Variants in SCUBE3 observed in about 807,000 individuals in gnomAD.
SCUBE3 encodes the protein signal peptide, CUB domain and EGF like domain containing 3, also known as signal peptide, CUB and EGF-like domain-containing protein 3.
In SCUBE3, 33 loss-of-function variants were observed where a neutral mutation model predicts 116.8. The ratio of observed to expected loss-of-function variants is 0.28; its 90% CI spans 0.21 to 0.38. SCUBE3 has a LOEUF of 0.38. SCUBE3 is among the 10% of genes least tolerant of loss of function. The pLI, the probability that SCUBE3 is intolerant of heterozygous loss-of-function variation, is 1.00. For synonymous variants in SCUBE3, 418 were observed against 496.9 expected (o/e 0.84, Z 2.11); for missense variants, 1,007 against 1,324.8 (o/e 0.76, Z 3.72).
In SCUBE3 at chr6:35,228,366, A is replaced by G. The variant is rs912455149; in HGVS notation, c.209-248A>G. Among the ~76,000 whole-genome samples, 1 of 152,272 alleles carries G rather than the reference A, an allele frequency of 6.6e-6. No homozygotes were observed. The highest frequency in any genetic ancestry group is 1.5e-5 in the Non-Finnish European group (1 of 68,052). ...TATGATGGTAAAATAAATTAAAGAA[A>G]TCTAAATCTCTAACAATAGAGAAAA... is the stretch of plus-strand genomic sequence containing the variant. On this transcript the variant is annotated intron_variant, in intron 2 of 21. Transcript: ENST00000274938. The surrounding 1 kb of genome is among the most constrained non-coding windows in gnomAD (Gnocchi z 4.9).
Position 35,237,931 on chromosome 6 carries a change from G to A in SCUBE3, c.742G>A (p.Asp248Asn), listed in dbSNP as rs758612398. 5.0e-6 allele frequency: 8 copies of A among 1,612,778 alleles called. No homozygotes were observed. The Admixed American group carries it at 1.3e-4, about 27-fold the overall frequency. ...ETCAVNNGGCDSKCHDAATGV... is the reference protein window; with the variant it reads ...ETCAVNNGGCNSKCHDAATGV... ...CTGTGCTGTCAACAACGGGGGCTGTGACAGTAAGTGCCATGATGCAGCGAC... is the reference window on the plus strand; with the variant it reads ...CTGTGCTGTCAACAACGGGGGCTGTAACAGTAAGTGCCATGATGCAGCGAC... The change falls in exon 7 of 22, where the codon GAC becomes AAC. Residue 248 changes from aspartate (D) to asparagine (N), a missense_variant. Physicochemically the swap from Asp to Asn is conservative, Grantham distance 23 (BLOSUM62 1). Around this residue, in one of 5 missense-constraint regions of SCUBE3, gnomAD observed 214 missense variants for 316.7 expected, o/e 0.68. Transcript: ENST00000274938.
chr6:35,219,929 T>G lies in SCUBE3; in HGVS notation c.85+5426T>G, dbSNP rs999278358. Among the ~76,000 whole-genome samples the G allele has an allele frequency of 6.6e-6, 1 of 152,156 alleles. No individual in the cohort carries two copies. Among genetic ancestry groups the G allele is most frequent in the African/African-American group, 2.4e-5 (1 of 41,414 alleles). On this transcript the variant is annotated intron_variant, in intron 1 of 21. Coordinates refer to ENST00000274938, the MANE Select transcript of SCUBE3 (RefSeq NM_152753.4). The surrounding 1 kb of genome is among the most constrained non-coding windows in gnomAD (Gnocchi z 4.7). The stretch of plus-strand genomic sequence containing the variant: ...CAGGCAACACCTGCCCACTGTTGCA[T>G]TGCCCACCCTTTCCTTATTGCAACT...
At position 35,239,822 on chromosome 6, in the gene SCUBE3, A is replaced by G; in HGVS notation, c.900A>G (p.Glu300=). ...HICRNTVGSF[E]CSCKKGYKLL... is the part of the protein sequence containing the mutation. ...GCCGCAACACAGTGGGCAGCTTCGA[A>G]TGCAGTTGCAAGAAAGGCTATAAGC... The change falls in exon 8 of 22, where the codon GAA becomes GAG. Residue 300 remains glutamate (E), a synonymous_variant. Coordinates refer to ENST00000274938, the MANE Select transcript of SCUBE3 (RefSeq NM_152753.4). This position sits in a 1 kb window ranked among gnomAD's most constrained non-coding sequence, Gnocchi z 4.1. 6.2e-7 allele frequency: 1 copy of G among 1,611,190 alleles called. No homozygotes were observed. The highest frequency in any genetic ancestry group is 1.1e-5 in the South Asian group (1 of 90,456).
In SCUBE3 at chr6:35,246,092, T is replaced by C. The variant is rs773819635; in HGVS notation, c.2748T>C (p.Tyr916=). ...ARGFQIPYVT[Y]DEDYEQLVED... ...GCTTCCAGATTCCCTATGTTACCTA[T>C]GATGGTAAGCCAAGGAGGTGGGTGA... Residue 916 remains tyrosine (Y), a synonymous_variant, in exon 20 of 22, where the codon TAT becomes TAC. Coordinates refer to ENST00000274938, the MANE Select transcript of SCUBE3 (RefSeq NM_152753.4). 1 of 1,614,018 alleles carries C rather than the reference T, an allele frequency of 6.2e-7. No individual in the cohort carries two copies. Among genetic ancestry groups the C allele is most frequent in the Admixed American group, 1.7e-5 (1 of 60,014 alleles).
At position 35,233,761 on chromosome 6, in the gene SCUBE3, T is replaced by C. The variant is rs887739735; in HGVS notation, c.712+460T>C. ...ACTGAGGGTGGGACAGAGTGCTCCT[T>C]CCTGGAACAACCATCCCTGAACTGA... On this transcript the variant is annotated intron_variant, in intron 6 of 21. Transcript: ENST00000274938. The surrounding 1 kb of genome is among the most constrained non-coding windows in gnomAD (Gnocchi z 5.7). Among the ~76,000 whole-genome samples, 1 of 152,182 alleles carries C rather than the reference T, an allele frequency of 6.6e-6. No homozygotes were observed. Among genetic ancestry groups the C allele is most frequent in the Non-Finnish European group, 1.5e-5 (1 of 68,032 alleles).
intron 1 of SCUBE3, among the ~76,000 whole-genome samples, chr6:35,225,088 G>A (rs1181474779): frequency 2.6e-5 from 4 of 151,500 alleles, no homozygotes; most frequent in East Asian, 1.9e-4. Context: ...ATACTGTCTC[G>A]AGCATCTATT....
At position 35,245,079 on chromosome 6, in the gene SCUBE3, G is replaced by A; in HGVS notation, c.2402-149G>A. The A allele has an allele frequency of 3.9e-6, 3 of 766,210 alleles. No individual in the cohort carries two copies. Among genetic ancestry groups the A allele is most frequent in the Non-Finnish European group, 4.4e-6 (2 of 453,154 alleles). The allele number at this position is 766,210 out of a possible 1,614,324, so 47.5% of individuals were successfully genotyped here. On this transcript the variant is annotated intron_variant, in intron 18 of 21. Transcript: ENST00000274938. The surrounding 1 kb of genome is among the most constrained non-coding windows in gnomAD (Gnocchi z 4.2). ...TACTAAAAGGGCAGGAAGGAAGATG[G>A]ACTCAGAGCTTGGAAAATAATGATG...
In SCUBE3 at chr6:35,228,306, A is replaced by T. The variant is rs1783406640; in HGVS notation, c.209-308A>T. Among the ~76,000 whole-genome samples the T allele has an allele frequency of 6.6e-6, 1 of 152,232 alleles. No individual in the cohort carries two copies. The highest frequency in any genetic ancestry group is 1.5e-5 in the Non-Finnish European group (1 of 68,036). On this transcript the variant is annotated intron_variant, in intron 2 of 21. Transcript: ENST00000274938. The surrounding 1 kb of genome is among the most constrained non-coding windows in gnomAD (Gnocchi z 4.9). ...GGGGACTTATTCAAAGTAACAAAATAATACATGGGAGAAGATGTTCTTTGA... is the reference window on the plus strand; with the variant it reads ...GGGGACTTATTCAAAGTAACAAAATTATACATGGGAGAAGATGTTCTTTGA...
rs1782804894 is a variant in SCUBE3, at chr6:35,214,434, G to C, written c.16G>C (p.Val6Leu). 1 of 1,475,426 alleles carries C rather than the reference G, an allele frequency of 6.8e-7. No homozygotes were observed. Among genetic ancestry groups the C allele is most frequent in the Admixed American group, 2.3e-5 (1 of 42,822 alleles). The allele number at this position is 1,475,426 out of a possible 1,614,324, so 91.4% of individuals were successfully genotyped here. MGSGR[V>L]PGLCLLVLLV... ...AGCTCCAGCCATGGGCTCGGGGCGCGTACCCGGGCTCTGCCTGCTTGTCCT... is the reference window on the plus strand; with the variant it reads ...AGCTCCAGCCATGGGCTCGGGGCGCCTACCCGGGCTCTGCCTGCTTGTCCT... Residue 6 changes from valine to leucine, a missense_variant, in exon 1 of 22, where the codon GTA (valine) becomes CTA (leucine). Coordinates refer to ENST00000274938, the MANE Select transcript of SCUBE3 (RefSeq NM_152753.4). The surrounding 1 kb of genome is among the most constrained non-coding windows in gnomAD (Gnocchi z 6.3).
At position 35,241,045 on chromosome 6, in the gene SCUBE3, C is replaced by T. The variant is rs1161429033; in HGVS notation, c.1070-96C>T. 3.2e-6 allele frequency: 4 copies of T among 1,242,774 alleles called. No individual in the cohort carries two copies. Among genetic ancestry groups the T allele is most frequent in the Non-Finnish European group, 4.5e-6 (4 of 882,566 alleles). The allele number at this position is 1,242,774 out of a possible 1,614,324, so 77.0% of individuals were successfully genotyped here. A position where few individuals can be genotyped will look rare whatever the true frequency, so the allele number is the denominator to read the frequency against. ...ATTCATCTTGCGTAATGCAGGGTAC[C>T]TGAAACTCTAACCAAAGGCCCTCAC... is the stretch of plus-strand genomic sequence containing the variant. On this transcript the variant is annotated intron_variant, in intron 9 of 21. Transcript: ENST00000274938. This position sits in a 1 kb window ranked among gnomAD's most constrained non-coding sequence, Gnocchi z 4.1.
Position 35,246,095 on chromosome 6 carries a change from T to C in SCUBE3, c.2751T>C (p.Asp917=). The C allele has an allele frequency of 6.2e-7, 1 of 1,614,036 alleles. No homozygotes were observed. The highest frequency in any genetic ancestry group is 8.5e-7 in the Non-Finnish European group (1 of 1,179,974). The change falls in exon 20 of 22, where the codon GAT becomes GAC. Residue 917 remains aspartate (D), a splice_region_variant and synonymous_variant. Transcript: ENST00000274938. ...TCCAGATTCCCTATGTTACCTATGATGGTAAGCCAAGGAGGTGGGTGAGAA... is the reference window on the plus strand; with the variant it reads ...TCCAGATTCCCTATGTTACCTATGACGGTAAGCCAAGGAGGTGGGTGAGAA... The part of the protein sequence containing the change: ...RGFQIPYVTY[D]EDYEQLVEDI...
Position 35,245,875 on chromosome 6 carries a change from A to AG in SCUBE3, c.2600-68dup. On this transcript the variant is annotated intron_variant, in intron 19 of 21. Coordinates refer to ENST00000274938, the MANE Select transcript of SCUBE3 (RefSeq NM_152753.4). This position sits in a 1 kb window ranked among gnomAD's most constrained non-coding sequence, Gnocchi z 4.2. ...CCTATACCCCCACCACCAGCTGTACAGCCCACGTTCTAGGAGGGCTTGGGT... is the reference window on the plus strand; with the variant it reads ...CCTATACCCCCACCACCAGCTGTACAGGCCCACGTTCTAGGAGGGCTTGGGT... 1 of 1,543,242 alleles carries AG rather than the reference A, an allele frequency of 6.5e-7. No individual in the cohort carries two copies. Among genetic ancestry groups the AG allele is most frequent in the Non-Finnish European group, 8.9e-7 (1 of 1,127,952 alleles).
Position 35,232,836 on chromosome 6 carries a change from TTCTTC to T in SCUBE3, c.470-9_470-5del, listed in dbSNP as rs1562048933. The T allele has an allele frequency of 1.2e-6, 2 of 1,613,956 alleles. No individual in the cohort carries two copies. The highest frequency in any genetic ancestry group is 8.5e-7 in the Non-Finnish European group (1 of 1,179,868). On this transcript the variant is annotated splice_polypyrimidine_tract_variant and intron_variant, in intron 4 of 21. Coordinates refer to ENST00000274938, the MANE Select transcript of SCUBE3 (RefSeq NM_152753.4). The surrounding 1 kb of genome is among the most constrained non-coding windows in gnomAD (Gnocchi z 4.2). ...AGGGGTACAGAGCATTCACACCCCT[TTCTTC>T]TCTTTTAGAAGGAATGAATTGCATG...
At chr6:35,237,825 G>A in intron 6 of SCUBE3, 77 bp from the exon 7 acceptor site, 1 of 852,698 alleles carries the variant, frequency 1.2e-6, no homozygotes, top group South Asian at 1.6e-5. Context: ...GGCCTCTGTG[G>A]TCTCCACTAC....
chr6:35,239,050 G>A lies in SCUBE3; in HGVS notation c.830-702G>A, dbSNP rs1783907279. Among the ~76,000 whole-genome samples, 1 of 152,086 alleles carries A rather than the reference G, an allele frequency of 6.6e-6. No homozygotes were observed. The highest frequency in any genetic ancestry group is 2.4e-5 in the African/African-American group (1 of 41,408). ...GTAGCCTGGGTCCTGTCTGCCACCA[G>A]CTTGGGGAACTTGACCTCAGGAAGG... On this transcript the variant is annotated intron_variant, in intron 7 of 21. Coordinates refer to ENST00000274938, the MANE Select transcript of SCUBE3 (RefSeq NM_152753.4). The surrounding 1 kb of genome is among the most constrained non-coding windows in gnomAD (Gnocchi z 4.1).
chr6:35,245,902 G>A lies in SCUBE3; in HGVS notation c.2600-42G>A, dbSNP rs1739965338. 2 of 1,606,686 alleles carry A rather than the reference G, an allele frequency of 1.2e-6. No individual in the cohort carries two copies. Among genetic ancestry groups the A allele is most frequent in the Non-Finnish European group, 1.7e-6 (2 of 1,175,584 alleles). The stretch of plus-strand genomic sequence containing the variant: ...CCCACGTTCTAGGAGGGCTTGGGTA[G>A]CCTGCCCTGCTGCTCTACTGACCTG... On this transcript the variant is annotated intron_variant, in intron 19 of 21. Coordinates refer to ENST00000274938, the MANE Select transcript of SCUBE3 (RefSeq NM_152753.4). The surrounding 1 kb of genome is among the most constrained non-coding windows in gnomAD (Gnocchi z 4.2).
Position 35,241,813 on chromosome 6 carries a change from G to A in SCUBE3, c.1320G>A (p.Glu440=). 1 of 1,613,286 alleles carries A rather than the reference G, an allele frequency of 6.2e-7. No individual in the cohort carries two copies. Among genetic ancestry groups the A allele is most frequent in the Admixed American group, 1.7e-5 (1 of 60,036 alleles). The change falls in exon 12 of 22, where the codon GAG becomes GAA. Residue 440 remains glutamate, a synonymous_variant. Transcript: ENST00000274938. The surrounding 1 kb of genome is among the most constrained non-coding windows in gnomAD (Gnocchi z 4.1). The part of the protein sequence containing the change: ...PSRARFLPES[E]NGFTVSCGTP... ...ACAGGCTCCTTTTCTCAGAGTCTGA[G>A]AATGGCTTCACGGTGAGCTGTGGGA...
In SCUBE3 at chr6:35,245,336, C is replaced by G. The variant is rs374387298; in HGVS notation, c.2510C>G (p.Pro837Arg). 17 of 1,614,050 alleles carry G rather than the reference C, an allele frequency of 1.1e-5. No homozygotes were observed. The highest frequency in any genetic ancestry group is 3.3e-4 in the Middle Eastern group (2 of 6,084). The change falls in exon 19 of 22, where the codon CCA becomes CGA. Residue 837 changes from proline to arginine, a missense_variant. By Grantham distance (103) the Pro-to-Arg change is moderately radical. Transcript: ENST00000274938. The surrounding 1 kb of genome is among the most constrained non-coding windows in gnomAD (Gnocchi z 4.2). ...GAGTGCATCTGGAACATCAACCCCCCACCCAAGCGCAAGATCCTTATCGTG... is the reference window on the plus strand; with the variant it reads ...GAGTGCATCTGGAACATCAACCCCCGACCCAAGCGCAAGATCCTTATCGTG... ...GVECIWNINP[P>R]PKRKILIVVP...
chr6:35,243,318 G>C lies in SCUBE3; in HGVS notation c.1909+82G>C. On this transcript the variant is annotated intron_variant, in intron 15 of 21. Coordinates refer to ENST00000274938, the MANE Select transcript of SCUBE3 (RefSeq NM_152753.4). The surrounding 1 kb of genome is among the most constrained non-coding windows in gnomAD (Gnocchi z 6.6). ...CAGAGCAGGACCCTTTGTGGCCTCA[G>C]ATGCATTTCTCAAATTATGAGGCAG... The C allele has an allele frequency of 8.3e-7, 1 of 1,211,842 alleles. No homozygotes were observed. Among genetic ancestry groups the C allele is most frequent in the Non-Finnish European group, 1.2e-6 (1 of 838,010 alleles). The allele number at this position is 1,211,842 out of a possible 1,614,324, so 75.1% of individuals were successfully genotyped here. A position where few individuals can be genotyped will look rare whatever the true frequency, so the allele number is the denominator to read the frequency against.
Sources: gnomAD v4.1 joint callset for allele counts (sites outside exome capture counted in the v4.1 genomes callset) on GRCh38, gnomAD v4.1.1 for gene constraint, gnomAD v4.1.1 regional missense constraint, Gnocchi (gnomAD v3.1) non-coding constraint, MANE v1.5 for transcripts, NCBI Gene and HGNC (gene_info 2026-07-23, HGNC 2026-07-21) for gene names.